SYTL3: variants seen among roughly 807,000 people sequenced by gnomAD.
The protein encoded by SYTL3 is synaptotagmin like 3, also known as synaptotagmin-like protein 3.
In SYTL3, 88 loss-of-function variants were observed where a neutral mutation model predicts 82.1. That is an observed-to-expected ratio of 1.07 (90% CI 0.90 to 1.28). SYTL3 has a LOEUF of 1.28. Among genes scored for constraint, SYTL3 ranks in the 50% most tolerant of loss-of-function variants. The pLI, the probability that SYTL3 is intolerant of heterozygous loss-of-function variation, is 0.00. For synonymous variants in SYTL3, 311 were observed against 289.4 expected (o/e 1.07, Z -0.76); for missense variants, 831 against 757.6 (o/e 1.10, Z -1.14).
intron 6 of SYTL3, among the ~76,000 whole-genome samples, chr6:158,705,393 CTG>C (rs1781935095): frequency 8.1e-5 from 12 of 148,596 alleles, no homozygotes; most frequent in Non-Finnish European, 1.6e-4. Flanking sequence ...ACAGTGAGGG[CTG>C]TAAGGCCACG....
chr6:158,707,252 GC>G lies in SYTL3; in HGVS notation c.418del (p.Gln140SerfsTer9), dbSNP rs773212044. 3.0e-5 allele frequency: 48 copies of G among 1,613,782 alleles called. No homozygotes were observed. In the Admixed American group the frequency reaches 8.0e-4, roughly 27 times the overall value. ...TGGKHETVGG[Q>X]LLQSYQKLSK... ...CAGGCAAACATGAGACAGTTGGAGG[GC>G]AGCTCTTGCAATCTTATCAGAAGCT... is the stretch of plus-strand genomic sequence containing the variant. On this transcript the variant is annotated frameshift_variant, in exon 7 of 18. Coordinates refer to ENST00000611299, the MANE Select transcript of SYTL3 (RefSeq NM_001242394.2). LOFTEE classifies it high-confidence loss of function.
intron 5 of SYTL3, among the ~76,000 whole-genome samples, chr6:158,665,837 TG>T (rs1352404214): frequency 6.6e-6 from 1 of 152,134 alleles, no homozygotes; most frequent in Non-Finnish European, 1.5e-5. Context: ...GGGCCAAGTG[TG>T]GTGGCTCATG....
At chr6:158,756,426 G>T (rs1238965572) in intron 13 of SYTL3, among the ~76,000 whole-genome samples, 2 of 152,210 alleles carry the variant, frequency 1.3e-5, no homozygotes, top group Non-Finnish European at 2.9e-5. Flanking sequence ...ATAAATAAAT[G>T]CAGGCTGGTG....
chr6:158,738,358 C>G (rs1057187047), intron 11 of SYTL3, among the ~76,000 whole-genome samples: 1 of 152,212 alleles, frequency 6.6e-6, no homozygotes, highest in African/African-American at 2.4e-5. Context: ...AGAAAAGAAT[C>G]AGTTTGAAAT....
rs191212777 is a variant in SYTL3 at position 158,696,049 on chromosome 6, G to A, written c.395-11181G>A. ...AATCCTTTTGTGTTTATACTCAGAA[G>A]TGGAATTACTGGATCAAATGGTAAT... On this transcript the variant is annotated intron_variant, in intron 6 of 17. Transcript: ENST00000611299. Among the ~76,000 whole-genome samples the A allele has an allele frequency of 1.9e-3, 282 of 152,284 alleles. 2 individuals are homozygous for A. The highest frequency in any genetic ancestry group is 6.4e-3 in the African/African-American group (264 of 41,554).
intron 5 of SYTL3, among the ~76,000 whole-genome samples, chr6:158,675,880 G>A (rs1377530375): frequency 1.3e-5 from 2 of 152,142 alleles, no homozygotes; most frequent in Admixed American, 1.3e-4. Flanking sequence ...AACCCGGGAG[G>A]CGGAGCTTGC....
At chr6:158,760,445 C>T (rs1024528183) in intron 14 of SYTL3, among the ~76,000 whole-genome samples, 195 bp from the exon 15 acceptor site, 2 of 152,120 alleles carry the variant, frequency 1.3e-5, no homozygotes, top group Non-Finnish European at 2.9e-5. Flanking sequence ...CCTCCCCATG[C>T]TGGGGTTGGG....
chr6:158,733,835 C>T (rs986305973), intron 11 of SYTL3, among the ~76,000 whole-genome samples: 2 of 151,038 alleles, frequency 1.3e-5, no homozygotes, highest in Non-Finnish European at 2.9e-5. Flanking sequence ...CGGTGGCTCA[C>T]GCCTGTAATC....
chr6:158,675,128 A>G (rs374830520), intron 5 of SYTL3, among the ~76,000 whole-genome samples: 11 of 152,270 alleles, frequency 7.2e-5, no homozygotes, highest in African/African-American at 2.6e-4. Flanking sequence ...GGCTACACCT[A>G]TTTTGGATCC....
chr6:158,721,081 CAGTGGGGAGAG>C (rs1166325664), intron 10 of SYTL3, among the ~76,000 whole-genome samples: 1 of 152,146 alleles, frequency 6.6e-6, no homozygotes, highest in Non-Finnish European at 1.5e-5. Context: ...GGTGGGGAGA[CAGTGGGGAGAG>C]AGCCAATCCA....
At chr6:158,743,365 G>T (rs1285330998) in intron 11 of SYTL3, among the ~76,000 whole-genome samples, 3 of 152,194 alleles carry the variant, frequency 2.0e-5, no homozygotes, top group African/African-American at 7.2e-5. Context: ...TAGTTTAGTT[G>T]TTTAATTCAG....
At chr6:158,645,582 C>G (rs1338002088), upstream of SYTL3, among the ~76,000 whole-genome samples, 1 of 152,150 alleles carries the variant, frequency 6.6e-6, no homozygotes, top group Non-Finnish European at 1.5e-5. Context: ...TTTGGTAGAC[C>G]TAAACTTCAA....
In SYTL3 at chr6:158,741,158, C is replaced by T. The variant is rs1243858681; in HGVS notation, c.856-4322C>T. On this transcript the variant is annotated intron_variant, in intron 11 of 17. Coordinates refer to ENST00000611299, the MANE Select transcript of SYTL3 (RefSeq NM_001242394.2). ...TCTCAGCTCACTGCAACTTCTGCCT[C>T]CTGGGTTCAAGTGATTCTCCTGCCT... Among the ~76,000 whole-genome samples the T allele has an allele frequency of 3.9e-5, 6 of 152,174 alleles. No homozygotes were observed. The South Asian group carries it at 1.0e-3, about 26-fold the overall frequency.
intron 6 of SYTL3, among the ~76,000 whole-genome samples, chr6:158,696,368 T>C (rs917951292): frequency 1.1e-4 from 16 of 151,836 alleles, no homozygotes; most frequent in African/African-American, 3.1e-4. Flanking sequence ...CCTAATTTTT[T>C]TTTTTTTTTG....
chr6:158,669,311 T>C (rs1777103034), intron 5 of SYTL3, among the ~76,000 whole-genome samples: 1 of 147,816 alleles, frequency 6.8e-6, no homozygotes. Flanking sequence ...GGAATTACTC[T>C]TGTTCAGACT....
At chr6:158,646,942 C>T (rs541285565), upstream of SYTL3, among the ~76,000 whole-genome samples, 1 of 152,114 alleles carries the variant, frequency 6.6e-6, no homozygotes, top group Non-Finnish European at 1.5e-5. Context: ...CCTCTGAAAT[C>T]TTTTTTCTTC....
At chr6:158,700,627 T>G (rs984270370) in intron 6 of SYTL3, among the ~76,000 whole-genome samples, 1 of 152,166 alleles carries the variant, frequency 6.6e-6, no homozygotes, top group African/African-American at 2.4e-5. Context: ...TATGTATGTA[T>G]GTATTTTGAG....
chr6:158,662,139 C>G (rs528485707), intron 3 of SYTL3, among the ~76,000 whole-genome samples: 4 of 152,044 alleles, frequency 2.6e-5, no homozygotes, highest in Admixed American at 2.6e-4. Context: ...TGAAGCCTAG[C>G]AAAGGAAGTT....
chr6:158,703,153 T>TAAAAA (rs71297001), intron 6 of SYTL3, among the ~76,000 whole-genome samples: 8,324 of 94,502 alleles, frequency 0.088, 510 homozygotes, highest in South Asian at 0.14. Context: ...GACTCTGTCT[T>TAAAAA]AAAAAAAAAA....
Sources: gnomAD v4.1 joint callset for allele counts (sites outside exome capture counted in the v4.1 genomes callset) on GRCh38, gnomAD v4.1.1 for gene constraint, MANE v1.5 for transcripts, NCBI Gene and HGNC (gene_info 2026-07-23, HGNC 2026-07-21) for gene names.